ILDR1: variants seen among roughly 807,000 people sequenced by gnomAD.
The protein encoded by ILDR1 is immunoglobulin-like domain-containing receptor 1.
In ILDR1, 56 loss-of-function variants were observed where a neutral mutation model predicts 62.4. The observed-to-expected ratio is 0.90, with a 90% CI of 0.72 to 1.12. The LOEUF is 1.12. Among genes scored for constraint, ILDR1 ranks in the 50% most tolerant of loss-of-function variants. The pLI is 0.00. For missense variants in ILDR1, 736 were observed against 710.6 expected (o/e 1.04, Z -0.41); for synonymous variants, 284 against 277.8 (o/e 1.02, Z -0.22).
the ILDR1 span, among the ~76,000 whole-genome samples, chr3:122,035,394 C>T: frequency 6.6e-6 from 1 of 152,148 alleles, no homozygotes; most frequent in Non-Finnish European, 1.5e-5. Flanking sequence ...AGGATAATCA[C>T]TCTATGGTTC....
the ILDR1 span, among the ~76,000 whole-genome samples, chr3:122,028,797 G>C: frequency 1.2e-3 from 185 of 152,352 alleles, no homozygotes; most frequent in Admixed American, 2.5e-3. Flanking sequence ...AAACATGTGA[G>C]AAGTGTAAAT....
intron 1 of ILDR1, among the ~76,000 whole-genome samples, chr3:122,016,926 G>C (rs932258877): frequency 6.6e-6 from 1 of 152,180 alleles, no homozygotes; most frequent in African/African-American, 2.4e-5. Context: ...TGATTACCTG[G>C]TTATGAGAAA....
chr3:122,025,287 A>G (rs989544989), upstream of ILDR1: 4 of 152,238 alleles, frequency 2.6e-5, no homozygotes, highest in African/African-American at 9.6e-5. Context: ...GAGATAACTC[A>G]CTACGCTCAA....
At chr3:122,003,198 T>C (rs2071554217) in intron 3 of ILDR1, among the ~76,000 whole-genome samples, 1 of 152,214 alleles carries the variant, frequency 6.6e-6, no homozygotes, top group Non-Finnish European at 1.5e-5. Context: ...ATTACAGACT[T>C]GCTCCTGCTA....
chr3:121,999,251 G>A (rs1004824657), intron 5 of ILDR1, among the ~76,000 whole-genome samples: 2 of 151,956 alleles, frequency 1.3e-5, no homozygotes, highest in Non-Finnish European at 2.9e-5. Flanking sequence ...GGTTATCTCT[G>A]GGTACTCAGA....
In ILDR1 at chr3:121,988,276, T is replaced by C. The variant is rs201749129; in HGVS notation, c.*91A>G. On this transcript the variant is annotated 3_prime_UTR_variant, in exon 8 of 8. Coordinates refer to ENST00000344209, the MANE Select transcript of ILDR1 (RefSeq NM_001199799.2). ...AAGCCAAAAACTGTTAGACTCAGAC[T>C]TGCAGTTCCCAAGTCAGCTGGAAAC... 3.9e-6 allele frequency: 4 copies of C among 1,036,872 alleles called. No individual in the cohort carries two copies. The highest frequency in any genetic ancestry group is 6.1e-6 in the Non-Finnish European group (4 of 653,806). 64.2% of individuals were successfully genotyped at this position (1,036,872 alleles called of 1,614,324 possible).
At chr3:122,032,686 C>A in the ILDR1 span, among the ~76,000 whole-genome samples, 3 of 152,182 alleles carry the variant, frequency 2.0e-5, no homozygotes, top group African/African-American at 7.2e-5. Flanking sequence ...ATAAAAGGTA[C>A]TATAGCTTCT....
the ILDR1 span, among the ~76,000 whole-genome samples, chr3:122,036,523 A>G: frequency 6.6e-6 from 1 of 151,014 alleles, no homozygotes; most frequent in South Asian, 2.1e-4. Flanking sequence ...CGGGAGGTGG[A>G]GCTTGCAGTG....
At chr3:122,012,641 AC>A (rs1215866636) in intron 1 of ILDR1, among the ~76,000 whole-genome samples, 1 of 152,194 alleles carries the variant, frequency 6.6e-6, no homozygotes, top group Non-Finnish European at 1.5e-5. Context: ...TGAAGATAAT[AC>A]CTGCCTCAGA....
chr3:121,992,437 C>G (rs2071362435), intron 7 of ILDR1, among the ~76,000 whole-genome samples: 1 of 152,190 alleles, frequency 6.6e-6, no homozygotes, highest in South Asian at 2.1e-4. Flanking sequence ...CACACCCAGC[C>G]CCAAATAATT....
the ILDR1 span, among the ~76,000 whole-genome samples, chr3:122,033,847 T>G: frequency 6.6e-6 from 1 of 152,214 alleles, no homozygotes; most frequent in African/African-American, 2.4e-5. Context: ...TATTTGCCTG[T>G]CCTTGTGCCA....
chr3:122,000,327 T>C (rs942592764), intron 5 of ILDR1, among the ~76,000 whole-genome samples: 2 of 151,224 alleles, frequency 1.3e-5, no homozygotes, highest in African/African-American at 4.9e-5. Flanking sequence ...TGGCTGAAGG[T>C]GACTTGATCA....
At chr3:122,008,985 G>A (rs890260692) in intron 1 of ILDR1, among the ~76,000 whole-genome samples, 1 of 151,148 alleles carries the variant, frequency 6.6e-6, no homozygotes, top group East Asian at 1.9e-4. Flanking sequence ...CCAGGCTAGA[G>A]TGCAGTGGCG....
chr3:122,013,083 G>A (rs918300321), intron 1 of ILDR1, among the ~76,000 whole-genome samples: 32 of 152,062 alleles, frequency 2.1e-4, no homozygotes, highest in Non-Finnish European at 4.0e-4. Context: ...TGCTGAGTGG[G>A]GACTACCATC....
chr3:122,027,823 A>G, the ILDR1 span, among the ~76,000 whole-genome samples: 51 of 152,318 alleles, frequency 3.3e-4, 1 homozygote, highest in South Asian at 6.2e-4. Flanking sequence ...CTAGAAAATT[A>G]TTGAACCTGA....
At chr3:122,013,768 G>A (rs2071736670) in intron 1 of ILDR1, among the ~76,000 whole-genome samples, 1 of 152,088 alleles carries the variant, frequency 6.6e-6, no homozygotes, top group African/African-American at 2.4e-5. Context: ...CAGATGGGTG[G>A]GGAGCGGAAT....
At chr3:122,027,811 T>G in the ILDR1 span, among the ~76,000 whole-genome samples, 4 of 152,264 alleles carry the variant, frequency 2.6e-5, no homozygotes, top group Admixed American at 6.5e-5. Flanking sequence ...CTGTTAGCAA[T>G]TCTAGAAAAT....
chr3:122,005,359 T>C lies in ILDR1; in HGVS notation c.264A>G (p.Pro88=). 1 of 1,614,184 alleles carries C rather than the reference T, an allele frequency of 6.2e-7. No individual in the cohort carries two copies. The highest frequency in any genetic ancestry group is 1.1e-5 in the South Asian group (1 of 91,080). The stretch of plus-strand genomic sequence containing the variant: ...GCTGGTTGTCGTTGCAGTCATTGGA[T>C]GGGTCCTGGCCCAGGGATAAAGCTG... ...YQAALSLGQD[P]SNDCNDNQRE... is the part of the protein sequence containing the mutation. Residue 88 remains proline (P), a synonymous_variant, in exon 3 of 8, where the codon CCA becomes CCG. Coordinates refer to ENST00000344209, the MANE Select transcript of ILDR1 (RefSeq NM_001199799.2).
At chr3:121,992,194 T>C (rs1444648782) in intron 7 of ILDR1, among the ~76,000 whole-genome samples, 2 of 152,250 alleles carry the variant, frequency 1.3e-5, no homozygotes, top group African/African-American at 2.4e-5. Flanking sequence ...TGGAGTGCAA[T>C]GGCACGATCT....
Sources: gnomAD v4.1 joint callset for allele counts (sites outside exome capture counted in the v4.1 genomes callset) on GRCh38, gnomAD v4.1.1 for gene constraint, MANE v1.5 for transcripts, NCBI Gene and HGNC (gene_info 2026-07-23, HGNC 2026-07-21) for gene names.